SCFD2: variants seen among roughly 807,000 people sequenced by gnomAD.
The protein encoded by SCFD2 is sec1 family domain-containing protein 2.
Under a neutral mutation model 58.9 loss-of-function variants are expected in SCFD2, and 54 were observed. The ratio of observed to expected loss-of-function variants is 0.92; its 90% CI spans 0.74 to 1.15. The LOEUF (loss-of-function observed/expected upper bound fraction) is 1.15, where lower values mean the gene tolerates loss of function less well. Ranked by LOEUF, SCFD2 falls within the 50% of genes most tolerant of loss-of-function variation. The probability of loss-of-function intolerance (pLI) is 0.00; values close to 1 mark genes in which losing one functional copy is unlikely to be tolerated. For synonymous variants in SCFD2, 321 were observed against 335.9 expected (o/e 0.96, Z 0.49); for missense variants, 805 against 836.6 (o/e 0.96, Z 0.47).
At chr4:53,052,389 T>C (rs1472875237) in intron 5 of SCFD2, among the ~76,000 whole-genome samples, 1 of 152,220 alleles carries the variant, frequency 6.6e-6, no homozygotes, top group Admixed American at 6.5e-5. Context: ...AGAATCTTGA[T>C]TGCTCGTTAC....
chr4:52,900,808 C>T (rs967643450), intron 7 of SCFD2, among the ~76,000 whole-genome samples: 1 of 152,198 alleles, frequency 6.6e-6, no homozygotes, highest in Non-Finnish European at 1.5e-5. Flanking sequence ...GCTTCCCTGT[C>T]GCTTTGTTTA....
chr4:53,127,022 G>GA (rs1266233261), intron 5 of SCFD2, among the ~76,000 whole-genome samples: 2 of 151,840 alleles, frequency 1.3e-5, no homozygotes, highest in African/African-American at 2.4e-5. Context: ...CAATAAAGAA[G>GA]AAAAAAACCT....
intron 5 of SCFD2, among the ~76,000 whole-genome samples, chr4:52,951,386 T>C (rs1720588953): frequency 6.6e-6 from 1 of 152,164 alleles, no homozygotes; most frequent in Admixed American, 6.5e-5. Context: ...CCAACATGCA[T>C]ACTACATTGT....
intron 5 of SCFD2, among the ~76,000 whole-genome samples, chr4:53,074,577 A>G (rs935857077): frequency 6.6e-6 from 1 of 152,182 alleles, no homozygotes; most frequent in Non-Finnish European, 1.5e-5. Flanking sequence ...AAATAATATG[A>G]CTTAAAAATC....
chr4:53,241,359 G>A (rs1729886893), intron 4 of SCFD2, among the ~76,000 whole-genome samples: 2 of 152,226 alleles, frequency 1.3e-5, no homozygotes, highest in Admixed American at 6.5e-5. Flanking sequence ...GGAAGTGTCA[G>A]ATCTGAACTC....
At chr4:53,026,082 CAA>C (rs1722468489) in intron 5 of SCFD2, among the ~76,000 whole-genome samples, 1 of 115,600 alleles carries the variant, frequency 8.7e-6, no homozygotes, top group African/African-American at 4.9e-5. Flanking sequence ...ACCAGAAAAA[CAA>C]CAACAACAAC....
chr4:52,910,884 G>A (rs1337209461), intron 6 of SCFD2, among the ~76,000 whole-genome samples: 1 of 152,142 alleles, frequency 6.6e-6, no homozygotes, highest in Non-Finnish European at 1.5e-5. Flanking sequence ...CTGCTGTGAA[G>A]AAGAGCACGT....
chr4:53,079,380 CT>C (rs1315787362), intron 5 of SCFD2, among the ~76,000 whole-genome samples: 1 of 152,210 alleles, frequency 6.6e-6, no homozygotes, highest in Non-Finnish European at 1.5e-5. Context: ...CTGCAAACAA[CT>C]TCACAGACAA....
chr4:52,955,980 C>G (rs1359964425), intron 5 of SCFD2: 1 of 447,190 alleles, frequency 2.2e-6, no homozygotes, highest in East Asian at 7.0e-5. Context: ...GGCTGAGATA[C>G]CTATTGCTGT....
chr4:53,101,088 G>A lies in SCFD2; in HGVS notation c.1561+44245C>T, dbSNP rs552976677. ...AAGCACTGCAGCTTCCATGGACAGG[G>A]AAGAAACTACCAATACTTTCTGTAT... On this transcript the variant is annotated intron_variant, in intron 5 of 8. Transcript: ENST00000401642. Among the ~76,000 whole-genome samples the A allele has an allele frequency of 3.3e-5, 5 of 152,242 alleles. No individual in the cohort carries two copies. The East Asian group carries it at 9.6e-4, about 29-fold the overall frequency.
At chr4:53,225,705 T>C (rs1729190937) in intron 4 of SCFD2, among the ~76,000 whole-genome samples, 1 of 152,240 alleles carries the variant, frequency 6.6e-6, no homozygotes, top group Non-Finnish European at 1.5e-5. Flanking sequence ...CCCTCTAGTT[T>C]GCAAATGAGG....
At chr4:53,340,531 G>A (rs1181804000) in intron 2 of SCFD2, among the ~76,000 whole-genome samples, 23 of 152,168 alleles carry the variant, frequency 1.5e-4, no homozygotes, top group Non-Finnish European at 2.4e-4. Flanking sequence ...TCCACCTCTG[G>A]GGACAGGGCA....
intron 4 of SCFD2, among the ~76,000 whole-genome samples, chr4:53,243,696 A>C (rs1306685393): frequency 7.8e-6 from 1 of 128,920 alleles, no homozygotes; most frequent in Admixed American, 9.0e-5. Flanking sequence ...AGCTGGAAAG[A>C]AAAAAAAAAG....
intron 2 of SCFD2, among the ~76,000 whole-genome samples, chr4:53,331,187 C>T (rs1434827354): frequency 4.0e-5 from 6 of 151,502 alleles, no homozygotes; most frequent in South Asian, 2.1e-4. Context: ...GACAGATCAA[C>T]GAGACAGAAA....
At chr4:52,900,311 C>T (rs973205135) in intron 7 of SCFD2, among the ~76,000 whole-genome samples, 45 of 152,214 alleles carry the variant, frequency 3.0e-4, no homozygotes, top group Non-Finnish European at 5.1e-4. Flanking sequence ...ATGATGGTGA[C>T]GTACAGATGG....
In SCFD2 at chr4:53,352,917, C is replaced by G; in HGVS notation, c.839-151G>C. 1.9e-5 allele frequency: 13 copies of G among 671,698 alleles called. No homozygotes were observed. In the South Asian group the frequency reaches 2.4e-4, roughly 12 times the overall value. The allele number at this position is 671,698 out of a possible 1,614,324, so 41.6% of individuals were successfully genotyped here. ...ACATTTTGCCCTTCATACAGCTAAT[C>G]ACATTCACAATCACCTAGTCAACAT... On this transcript the variant is annotated intron_variant, in intron 1 of 8. Coordinates refer to ENST00000401642, the MANE Select transcript of SCFD2 (RefSeq NM_152540.4).
At chr4:52,977,765 A>G (rs1007845007) in intron 5 of SCFD2, among the ~76,000 whole-genome samples, 1 of 152,130 alleles carries the variant, frequency 6.6e-6, no homozygotes, top group Non-Finnish European at 1.5e-5. Flanking sequence ...AGCCTTGCTC[A>G]TTTTTCAGGT....
At chr4:52,991,520 G>T (rs1721612248) in intron 5 of SCFD2, among the ~76,000 whole-genome samples, 2 of 152,184 alleles carry the variant, frequency 1.3e-5, no homozygotes, top group Non-Finnish European at 2.9e-5. Flanking sequence ...AAATTACACA[G>T]GTTTTGAGGA....
intron 5 of SCFD2, among the ~76,000 whole-genome samples, chr4:53,121,021 G>A (rs4864724): frequency 0.21 from 31,397 of 152,146 alleles, 3,593 homozygotes; most frequent in Non-Finnish European, 0.26. Flanking sequence ...CGGCTACTAC[G>A]TGCCATATCC....
Sources: allele counts gnomAD v4.1 joint callset (sites outside exome capture counted in the v4.1 genomes callset), GRCh38; gene constraint gnomAD v4.1.1; transcripts MANE v1.5; gene names NCBI Gene and HGNC (gene_info 2026-07-23, HGNC 2026-07-21).